Variants in BTBD16 observed in about 807,000 individuals in gnomAD.
The protein encoded by BTBD16 is BTB domain containing 16.
A neutral mutation model predicts 67.4 loss-of-function variants in BTBD16; 66 were observed. The ratio of observed to expected loss-of-function variants is 0.98; its 90% CI spans 0.80 to 1.20. BTBD16 has a LOEUF of 1.20. Among genes scored for constraint, BTBD16 ranks in the 50% most tolerant of loss-of-function variants. BTBD16 has a pLI of 0.00. For missense variants in BTBD16, 634 were observed against 616.0 expected, an observed-to-expected ratio of 1.03 and a Z score of -0.31; for synonymous variants, 242 against 236.4, an observed-to-expected ratio of 1.02 and a Z score of -0.22.
At chr10:122,274,904 T>A in intron 1 of BTBD16, 136 bp from the exon 2 acceptor site, 2 of 615,822 alleles carry the variant, frequency 3.2e-6, no homozygotes, top group Non-Finnish European at 5.7e-6. Flanking sequence ...AGATATTCTC[T>A]TGATTGATAA....
intron 13 of BTBD16, among the ~76,000 whole-genome samples, chr10:122,334,430 C>T (rs1374588690): frequency 3.5e-5 from 5 of 143,534 alleles, no homozygotes; most frequent in African/African-American, 7.8e-5. Flanking sequence ...CTTCTGACCT[C>T]GTGATCGGCC....
Position 122,309,774 on chromosome 10 carries a change from AT to A in BTBD16, c.911+2482del, listed in dbSNP as rs5788543. Among the ~76,000 whole-genome samples, 191 of 136,634 alleles carry A rather than the reference AT, an allele frequency of 1.4e-3. No homozygotes were observed. In the Middle Eastern group the frequency reaches 0.016, roughly 11 times the overall value. The allele number at this position is 136,634 out of a possible 152,430, so 89.6% of individuals were successfully genotyped here. A position where few individuals can be genotyped will look rare whatever the true frequency, so the allele number is the denominator to read the frequency against. ...AAGCATGAGCCACTGTGCTGAGTAC[AT>A]TTTTTTTTTTTTTTTGAGGCAGTGT... On this transcript the variant is annotated intron_variant, in intron 10 of 15. Transcript: ENST00000260723.
chr10:122,287,364 G>A (rs907824508), intron 5 of BTBD16: 4 of 910,898 alleles, frequency 4.4e-6, no homozygotes, highest in Non-Finnish European at 5.2e-6. Flanking sequence ...TGGAAATGGA[G>A]TCATTAACGT....
intron 9 of BTBD16, among the ~76,000 whole-genome samples, chr10:122,302,527 T>C (rs938967152): frequency 1.1e-4 from 16 of 152,218 alleles, no homozygotes; most frequent in African/African-American, 3.4e-4. Context: ...TTCCCGCCTA[T>C]AACCCGAGAA....
At chr10:122,274,768 CA>C (rs920725379) in intron 1 of BTBD16, among the ~76,000 whole-genome samples, 2 of 151,902 alleles carry the variant, frequency 1.3e-5, no homozygotes, top group Non-Finnish European at 2.9e-5. Context: ...CTCACTTTGG[CA>C]AAGGATTATC....
intron 10 of BTBD16, chr10:122,328,699 G>C (rs1333390904): frequency 2.1e-6 from 2 of 953,682 alleles, no homozygotes; most frequent in East Asian, 2.3e-4. Context: ...AAAGGGACTT[G>C]GAAAGATTGT....
At chr10:122,313,676 A>G (rs2096418623) in intron 10 of BTBD16, among the ~76,000 whole-genome samples, 1 of 152,172 alleles carries the variant, frequency 6.6e-6, no homozygotes, top group Admixed American at 6.5e-5. Flanking sequence ...GAGTCCATCC[A>G]GAAGTATTTT....
intron 8 of BTBD16, among the ~76,000 whole-genome samples, chr10:122,298,641 G>A (rs1021688867): frequency 1.3e-5 from 2 of 152,134 alleles, no homozygotes; most frequent in African/African-American, 4.8e-5. Flanking sequence ...ACTTGAACTA[G>A]TGGGCAAAGC....
chr10:122,337,829 A>G (rs942610361), intron 15 of BTBD16, among the ~76,000 whole-genome samples, 188 bp from the exon 16 acceptor site: 2 of 152,168 alleles, frequency 1.3e-5, no homozygotes, highest in African/African-American at 4.8e-5. Flanking sequence ...TGTGCACGTT[A>G]TTGTGTTTAA....
intron 9 of BTBD16, chr10:122,303,688 T>C: frequency 1.1e-6 from 1 of 882,542 alleles, no homozygotes; most frequent in Non-Finnish European, 1.4e-6. Context: ...ATGAAAAGCA[T>C]TTTTTTCCCC....
chr10:122,327,478 G>C (rs542043529), intron 10 of BTBD16: 1 of 510,156 alleles, frequency 2.0e-6, no homozygotes, highest in Non-Finnish European at 2.5e-6. Context: ...TGTGGCTACT[G>C]CTCCCACTTG....
intron 7 of BTBD16, chr10:122,295,433 G>A (rs2096381377): frequency 4.1e-6 from 4 of 985,430 alleles, no homozygotes; most frequent in Non-Finnish European, 4.8e-6. Context: ...GTAGCCACAT[G>A]AGCAGGTCTT....
chr10:122,334,702 G>C (rs112886740), intron 13 of BTBD16, among the ~76,000 whole-genome samples, 179 bp from the exon 14 acceptor site: 3,013 of 122,156 alleles, frequency 0.025, 93 homozygotes, highest in African/African-American at 0.078. Flanking sequence ...TGGTATTTTT[G>C]GTAGAGATGG....
chr10:122,336,622 G>T lies in BTBD16; in HGVS notation c.1392G>T (p.Glu464Asp), dbSNP rs1286252916. 6.2e-7 allele frequency: 1 copy of T among 1,611,840 alleles called. No homozygotes were observed. Among genetic ancestry groups the T allele is most frequent in the African/African-American group, 1.3e-5 (1 of 74,786 alleles). ...CCCTGGTTGACGGCAAGTGGCAGGA[G>T]TTCAGGACAAACCAGATCAAGCAGA... is the stretch of plus-strand genomic sequence containing the variant. ...AEALVDGKWQ[E>D]FRTNQIKQKF... The change falls in exon 15 of 16, where the codon GAG becomes GAT. Residue 464 changes from glutamate (E) to aspartate (D), a missense_variant. Coordinates refer to ENST00000260723, the MANE Select transcript of BTBD16 (RefSeq NM_144587.5).
intron 15 of BTBD16, among the ~76,000 whole-genome samples, chr10:122,336,986 AT>A (rs754847100): frequency 4.6e-5 from 7 of 152,164 alleles, no homozygotes; most frequent in East Asian, 3.9e-4. Context: ...CGTGGAGTGT[AT>A]TTGTCATCAC....
chr10:122,301,237 A>G (rs558608959), intron 9 of BTBD16, among the ~76,000 whole-genome samples: 2 of 152,176 alleles, frequency 1.3e-5, no homozygotes, highest in Non-Finnish European at 2.9e-5. Context: ...GAGCTGTCAC[A>G]CCCTGGCAGC....
chr10:122,332,630 A>T (rs956939788), intron 13 of BTBD16, 117 bp downstream of exon 13: 2 of 1,148,654 alleles, frequency 1.7e-6, no homozygotes, highest in African/African-American at 1.6e-5. Context: ...AGGGGTCCAG[A>T]AGAGAGAACC....
At chr10:122,326,532 G>A (rs1026393240) in intron 10 of BTBD16, among the ~76,000 whole-genome samples, 3 of 152,212 alleles carry the variant, frequency 2.0e-5, no homozygotes, top group Admixed American at 1.3e-4. Flanking sequence ...TATCAGAGCT[G>A]TGGGCCTGAT....
At chr10:122,282,815 G>GA (rs1397080104) in intron 3 of BTBD16, among the ~76,000 whole-genome samples, 2 of 152,218 alleles carry the variant, frequency 1.3e-5, no homozygotes, top group Non-Finnish European at 2.9e-5. Context: ...GTTTTAAGGG[G>GA]AAAATCCCAG....
Sources: gnomAD v4.1 joint callset for allele counts (sites outside exome capture counted in the v4.1 genomes callset) on GRCh38, gnomAD v4.1.1 for gene constraint, MANE v1.5 for transcripts, NCBI Gene and HGNC (gene_info 2026-07-23, HGNC 2026-07-21) for gene names.